Variants in DNAH10 observed in about 807,000 individuals in gnomAD.
DNAH10 encodes axonemal beta dynein heavy chain 10.
DNAH10 carries 348 observed loss-of-function variants against 506.6 expected under a neutral mutation model. The observed-to-expected ratio is 0.69, with a 90% confidence interval of 0.63 to 0.75. DNAH10 has a LOEUF of 0.75. Among genes scored for constraint, DNAH10 ranks in the 30% least tolerant of loss-of-function variants. The probability of loss-of-function intolerance (pLI) is 0.00; values close to 1 mark genes in which losing one functional copy is unlikely to be tolerated. For missense variants in DNAH10, 5,179 were observed against 5,787.1 expected, an observed-to-expected ratio of 0.89 and a Z score of 3.41; for synonymous variants, 2,059 against 2,198.6, an observed-to-expected ratio of 0.94 and a Z score of 1.78.
chr12:123,860,703 A>G (rs531585952), intron 38 of DNAH10, among the ~76,000 whole-genome samples: 93 of 152,318 alleles, frequency 6.1e-4, no homozygotes, highest in African/African-American at 2.2e-3. Context: ...TGTCATATAT[A>G]TGAATATGTA....
chr12:123,894,545 A>G, intron 53 of DNAH10, 98 bp from the exon 54 acceptor site: 1 of 1,124,114 alleles, frequency 8.9e-7, no homozygotes, highest in Non-Finnish European at 1.3e-6. Context: ...GGTGTGAGCC[A>G]CCACACCCGG....
chr12:123,762,526 C>T lies in DNAH10; in HGVS notation c.190C>T (p.Pro64Ser). 1 of 1,558,442 alleles carries T rather than the reference C, an allele frequency of 6.4e-7. No homozygotes were observed. The highest frequency in any genetic ancestry group is 8.7e-7 in the Non-Finnish European group (1 of 1,152,274). Residue 64 changes from proline (P) to serine (S), a missense_variant, in exon 1 of 79, where the codon CCG (proline) becomes TCG (serine). Pro to Ser is a moderately conservative substitution (Grantham distance 74, BLOSUM62 -1). Coordinates refer to ENST00000673944, the MANE Select transcript of DNAH10 (RefSeq NM_001372106.1). This position sits in a 1 kb window ranked among gnomAD's most constrained non-coding sequence, Gnocchi z 5.0. ...GCTCTTCATCTACCGCACTATGGTGCCGGAGGAGGTGGAGGTGGAGATTGG... is the reference window on the plus strand; with the variant it reads ...GCTCTTCATCTACCGCACTATGGTGTCGGAGGAGGTGGAGGTGGAGATTGG... ...SALFIYRTMVPEEVEVEIDEI... is the reference protein window; with the variant it reads ...SALFIYRTMVSEEVEVEIDEI...
chr12:123,917,955 G>T lies in DNAH10; in HGVS notation c.11232+142G>T. ...ACCCACCTCTATTGGGATGTGCTGT[G>T]GGGAGGGGAGCCCTAAAGGTGTTCC... On this transcript the variant is annotated intron_variant, in intron 64 of 78. Transcript: ENST00000673944. The surrounding 1 kb of genome is among the most constrained non-coding windows in gnomAD (Gnocchi z 5.6). 1.1e-6 allele frequency: 1 copy of T among 891,968 alleles called. No homozygotes were observed. The highest frequency in any genetic ancestry group is 1.7e-6 in the Non-Finnish European group (1 of 590,370). 55.3% of individuals were successfully genotyped at this position (891,968 alleles called of 1,614,324 possible).
chr12:123,919,027 G>C lies in DNAH10; in HGVS notation c.11506+78G>C. ...GTGGCTTTAAGGAAACGTGATCTGTGAAAATGGAAAGTTACCAAATAGCAT... is the reference window on the plus strand; with the variant it reads ...GTGGCTTTAAGGAAACGTGATCTGTCAAAATGGAAAGTTACCAAATAGCAT... On this transcript the variant is annotated intron_variant, in intron 65 of 78. Transcript: ENST00000673944. This position sits in a 1 kb window ranked among gnomAD's most constrained non-coding sequence, Gnocchi z 4.9. The C allele has an allele frequency of 7.0e-7, 1 of 1,427,472 alleles. No homozygotes were observed. The highest frequency in any genetic ancestry group is 1.6e-5 in the South Asian group (1 of 60,860). The allele number at this position is 1,427,472 out of a possible 1,614,324, so 88.4% of individuals were successfully genotyped here.
chr12:123,826,776 C>T lies in DNAH10; in HGVS notation c.4269C>T (p.Leu1423=), dbSNP rs746212075. ...QEGIEGFLRA[L]RKLPRPVRGL... ...GAATTGAAGGTTTTCTCAGGGCTCT[C>T]AGAAAGCTACCTCGGCCAGTCCGTG... The change falls in exon 25 of 79, where the codon CTC becomes CTT. Residue 1423 remains leucine (L), a synonymous_variant. Transcript: ENST00000673944. The T allele has an allele frequency of 1.1e-5, 18 of 1,613,954 alleles. No homozygotes were observed. The South Asian group carries it at 2.0e-4, about 18-fold the overall frequency.
intron 30 of DNAH10, among the ~76,000 whole-genome samples, 151 bp downstream of exon 30, chr12:123,841,696 T>G (rs974124748): frequency 6.6e-6 from 1 of 152,160 alleles, no homozygotes; most frequent in African/African-American, 2.4e-5. Context: ...TGTCTTTATT[T>G]TTATTTTTTT....
rs1953325124 is a variant in DNAH10 at position 123,897,839 on chromosome 12, C to G, written c.9350C>G (p.Ser3117Cys). 6.2e-7 allele frequency: 1 copy of G among 1,611,980 alleles called. No homozygotes were observed. Among genetic ancestry groups the G allele is most frequent in the Non-Finnish European group, 8.5e-7 (1 of 1,179,364 alleles). ...VVKHVVLVHQ[S>C]VDHYSQQFLQ... ...AAGCATGTTGTCTTGGTTCACCAAT[C>G]CGTGGACCACTACAGCCAACAGTTT... Residue 3117 changes from serine to cysteine, a missense_variant, in exon 55 of 79, where the codon TCC becomes TGC. Coordinates refer to ENST00000673944, the MANE Select transcript of DNAH10 (RefSeq NM_001372106.1).
intron 52 of DNAH10, among the ~76,000 whole-genome samples, chr12:123,887,610 T>G (rs964257193): frequency 6.6e-6 from 1 of 152,174 alleles, no homozygotes; most frequent in Non-Finnish European, 1.5e-5. Context: ...GTGTGCATCA[T>G]ACATTCCCGT....
At position 123,907,815 on chromosome 12, in the gene DNAH10, C is replaced by T. The variant is rs189677522; in HGVS notation, c.9816-1446C>T. On this transcript the variant is annotated intron_variant, in intron 57 of 78. Transcript: ENST00000673944. This position sits in a 1 kb window ranked among gnomAD's most constrained non-coding sequence, Gnocchi z 4.4. ...ACCTTTTAAAGACACTTGACAGCCCCGCCGCTTTCCTAAGCAGCCAACACC... is the reference window on the plus strand; with the variant it reads ...ACCTTTTAAAGACACTTGACAGCCCTGCCGCTTTCCTAAGCAGCCAACACC... Among the ~76,000 whole-genome samples the T allele has an allele frequency of 8.5e-5, 13 of 152,326 alleles. No homozygotes were observed. Among genetic ancestry groups the T allele is most frequent in the East Asian group, 3.9e-4 (2 of 5,188 alleles).
chr12:123,846,267 T>C lies in DNAH10; in HGVS notation c.5814+113T>C. The C allele has an allele frequency of 7.6e-7, 1 of 1,318,726 alleles. No homozygotes were observed. Among genetic ancestry groups the C allele is most frequent in the Non-Finnish European group, 1.0e-6 (1 of 988,362 alleles). The allele number at this position is 1,318,726 out of a possible 1,614,324, so 81.7% of individuals were successfully genotyped here. Reference sequence around the variant, plus strand: ...GAAATAGCAGGGGAGATCATTGCTTTGAAATCTCGAAAAGCTTTTCCATTT... The same window carrying C: ...GAAATAGCAGGGGAGATCATTGCTTCGAAATCTCGAAAAGCTTTTCCATTT... On this transcript the variant is annotated intron_variant, in intron 32 of 78. Coordinates refer to ENST00000673944, the MANE Select transcript of DNAH10 (RefSeq NM_001372106.1). The surrounding 1 kb of genome is among the most constrained non-coding windows in gnomAD (Gnocchi z 4.5).
In DNAH10 at chr12:123,833,018, T is replaced by C. The variant is rs1960739605; in HGVS notation, c.4546-96T>C. The C allele has an allele frequency of 6.8e-6, 6 of 885,256 alleles. No homozygotes were observed. In the East Asian group the frequency reaches 1.6e-4, roughly 24 times the overall value. The allele number at this position is 885,256 out of a possible 1,614,324, so 54.8% of individuals were successfully genotyped here. ...AACAGACCCAGGACTCCGATTGCAT[T>C]GTTGGCCAAAAGCAAGCTAAGGAAG... On this transcript the variant is annotated intron_variant, in intron 26 of 78. Transcript: ENST00000673944.
At chr12:123,877,658 G>A in intron 47 of DNAH10, 78 bp from the exon 48 acceptor site, 3 of 1,501,406 alleles carry the variant, frequency 2.0e-6, no homozygotes, top group Non-Finnish European at 2.7e-6. Context: ...CCATTGTACG[G>A]CTCTGCCACA....
At chr12:123,792,858 A>G (rs370038197) in intron 11 of DNAH10, among the ~76,000 whole-genome samples, 1 of 151,978 alleles carries the variant, frequency 6.6e-6, no homozygotes, top group African/African-American at 2.4e-5. Flanking sequence ...TCTAGATCTC[A>G]CCTCTTCCTC....
At position 123,850,121 on chromosome 12, in the gene DNAH10, G is replaced by C. The variant is rs1446054609; in HGVS notation, c.6103-767G>C. Among the ~76,000 whole-genome samples the C allele has an allele frequency of 1.3e-5, 2 of 152,094 alleles. No homozygotes were observed. Among genetic ancestry groups the C allele is most frequent in the African/African-American group, 4.8e-5 (2 of 41,422 alleles). On this transcript the variant is annotated intron_variant, in intron 34 of 78. Transcript: ENST00000673944. The surrounding 1 kb of genome is among the most constrained non-coding windows in gnomAD (Gnocchi z 5.5). ...AGTCAAGGCAGTGGCCTTGTTTTGG[G>C]GGAGGCTGGCTGTCTTCCGGGCTGC...
At chr12:123,857,597 G>A (rs1215037088) in intron 37 of DNAH10, among the ~76,000 whole-genome samples, 6 of 152,128 alleles carry the variant, frequency 3.9e-5, no homozygotes, top group East Asian at 1.9e-4. Context: ...GCGTGGTGGC[G>A]CTCGCCTGTA....
chr12:123,935,489 G>T lies in DNAH10; in HGVS notation c.*8G>T, dbSNP rs765890310. The T allele has an allele frequency of 4.4e-6, 7 of 1,575,194 alleles. No individual in the cohort carries two copies. The African/African-American group carries it at 9.5e-5, about 21-fold the overall frequency. ...ACCCTGAATTCTGATTAACCTTTGG[G>T]TGAAGAAAACTGCTTAATGAATTCG... On this transcript the variant is annotated 3_prime_UTR_variant, in exon 79 of 79. Transcript: ENST00000673944.
At chr12:123,796,589 A>G in intron 12 of DNAH10, 67 bp from the exon 13 acceptor site, 1 of 1,441,146 alleles carries the variant, frequency 6.9e-7, no homozygotes, top group South Asian at 1.4e-5. Context: ...TAAAGATTCA[A>G]ATCTCATCTT....
Position 123,873,680 on chromosome 12 carries a change from G to T in DNAH10, c.7908G>T (p.Leu2636=), listed in dbSNP as rs373563019. ...GCCCACCCATGGGAAAACGCCTGCT[G>T]GTGTTCATGGATGACATGAATATGC... The part of the protein sequence containing the change: ...TYGPPMGKRL[L]VFMDDMNMPR... The change falls in exon 46 of 79, where the codon CTG becomes CTT. Residue 2636 remains leucine, a synonymous_variant. Transcript: ENST00000673944. 3 of 1,612,026 alleles carry T rather than the reference G, an allele frequency of 1.9e-6. No individual in the cohort carries two copies. In the African/African-American group the frequency reaches 4.0e-5, roughly 22 times the overall value.
rs1289002252 is a variant in DNAH10, at chr12:123,935,185, G to C, written c.13624-150G>C. Reference sequence around the variant, plus strand: ...GCCAGGTCCCCGTGAAGCTGGCGGAGGGTGGCCCTGAGCAGCCCCAGCCTT... The same window carrying C: ...GCCAGGTCCCCGTGAAGCTGGCGGACGGTGGCCCTGAGCAGCCCCAGCCTT... On this transcript the variant is annotated intron_variant, in intron 78 of 78. Transcript: ENST00000673944. 6.7e-6 allele frequency: 6 copies of C among 901,456 alleles called. No individual in the cohort carries two copies. The East Asian group carries it at 1.6e-4, about 24-fold the overall frequency. The allele number at this position is 901,456 out of a possible 1,614,324, so 55.8% of individuals were successfully genotyped here.
Sources: allele counts gnomAD v4.1 joint callset (sites outside exome capture counted in the v4.1 genomes callset), GRCh38; gene constraint gnomAD v4.1.1; non-coding constraint Gnocchi (gnomAD v3.1); transcripts MANE v1.5; gene names NCBI Gene and HGNC (gene_info 2026-07-23, HGNC 2026-07-21).